DLGAP1: variants seen among roughly 807,000 people sequenced by gnomAD.
The protein encoded by DLGAP1 is disks large-associated protein 1.
A neutral mutation model predicts 90.8 loss-of-function variants in DLGAP1; 11 were observed. The ratio of observed to expected loss-of-function variants is 0.12; its 90% CI spans 0.08 to 0.20. DLGAP1 has a LOEUF of 0.20. Among genes scored for constraint, DLGAP1 ranks in the 10% least tolerant of loss-of-function variants. The pLI, the probability that DLGAP1 is intolerant of heterozygous loss-of-function variation, is 1.00. For missense variants in DLGAP1, 1,050 were observed against 1,333.8 expected, an observed-to-expected ratio of 0.79 and a Z score of 3.31; for synonymous variants, 558 against 540.7, an observed-to-expected ratio of 1.03 and a Z score of -0.44.
intron 2 of DLGAP1, among the ~76,000 whole-genome samples, chr18:4,097,759 G>A (rs539192788): frequency 2.4e-4 from 36 of 152,278 alleles, no homozygotes; most frequent in East Asian, 1.7e-3. Flanking sequence ...TAAATGTTTC[G>A]ACAAAAATAT....
intron 7 of DLGAP1, among the ~76,000 whole-genome samples, chr18:3,618,033 A>G: frequency 6.6e-6 from 1 of 152,146 alleles, no homozygotes; most frequent in South Asian, 2.1e-4. Context: ...GTGAAACTCC[A>G]TCTCAAAAGA....
intron 3 of DLGAP1, among the ~76,000 whole-genome samples, chr18:3,927,822 C>T (rs1311036637): frequency 6.6e-6 from 1 of 152,004 alleles, no homozygotes; most frequent in African/African-American, 2.4e-5. Context: ...GAATTTTTTC[C>T]CAATATAATC....
chr18:4,231,241 G>A (rs2078293005), intron 1 of DLGAP1, among the ~76,000 whole-genome samples: 1 of 152,004 alleles, frequency 6.6e-6, no homozygotes, highest in South Asian at 2.1e-4. Flanking sequence ...TTTAAAATAT[G>A]ACCTGGAAAG....
intron 2 of DLGAP1, among the ~76,000 whole-genome samples, chr18:4,124,720 T>A (rs2076206211): frequency 6.6e-6 from 1 of 152,240 alleles, no homozygotes. Context: ...TCAATACTTT[T>A]TATTTTCCTA....
intron 3 of DLGAP1, chr18:3,995,251 T>C (rs376260197): frequency 6.6e-6 from 1 of 152,292 alleles, no homozygotes; most frequent in East Asian, 1.9e-4. Flanking sequence ...AGAGCTAAGA[T>C]GCTCTCAGAA....
intron 1 of DLGAP1, among the ~76,000 whole-genome samples, chr18:4,400,050 G>A (rs2082520541): frequency 6.6e-6 from 1 of 152,024 alleles, no homozygotes; most frequent in Non-Finnish European, 1.5e-5. Flanking sequence ...CACCACTCTT[G>A]AAGGCAGCTT....
chr18:4,283,613 G>A (rs11664000), intron 1 of DLGAP1, among the ~76,000 whole-genome samples: 4,589 of 152,190 alleles, frequency 0.03, 154 homozygotes, highest in African/African-American at 0.084. Flanking sequence ...GGGAGAGTGC[G>A]AAAAGTTTCC....
At chr18:4,276,311 T>A (rs971463104) in intron 1 of DLGAP1, among the ~76,000 whole-genome samples, 1 of 152,040 alleles carries the variant, frequency 6.6e-6, no homozygotes, top group African/African-American at 2.4e-5. Flanking sequence ...AGGATCTTTT[T>A]AGAATTTCTG....
intron 4 of DLGAP1, among the ~76,000 whole-genome samples, chr18:3,817,192 G>A (rs1289809262): frequency 6.6e-6 from 1 of 152,152 alleles, no homozygotes; most frequent in African/African-American, 2.4e-5. Context: ...ATTGCTCTCT[G>A]GAGTATGTCA....
intron 1 of DLGAP1, among the ~76,000 whole-genome samples, chr18:4,228,963 T>C (rs2078246391): frequency 6.6e-6 from 1 of 151,822 alleles, no homozygotes; most frequent in Non-Finnish European, 1.5e-5. Flanking sequence ...CCACAAAAAT[T>C]ATTTGATAAA....
intron 1 of DLGAP1, among the ~76,000 whole-genome samples, chr18:4,322,943 G>GAAAAAAAAAAAAAAAAA (rs60113288): frequency 1.0e-5 from 1 of 97,612 alleles, no homozygotes; most frequent in Admixed American, 1.3e-4. Flanking sequence ...CCTGGGCACA[G>GAAAAAAAAAAAAAAAAA]AAAAAAAAAA....
chr18:4,339,859 CATAGGAT>C (rs1433045152), intron 1 of DLGAP1, among the ~76,000 whole-genome samples: 6 of 152,176 alleles, frequency 3.9e-5, no homozygotes, highest in Non-Finnish European at 8.8e-5. Flanking sequence ...TATGCTTTGA[CATAGGAT>C]ATAACAAATA....
intron 1 of DLGAP1, among the ~76,000 whole-genome samples, chr18:4,304,858 G>C (rs561895778): frequency 4.6e-5 from 7 of 151,820 alleles, no homozygotes; most frequent in Non-Finnish European, 8.8e-5. Context: ...TTGAACCCAG[G>C]AGGCGGAGGT....
At chr18:4,436,186 A>C (rs1029122964) in intron 1 of DLGAP1, among the ~76,000 whole-genome samples, 2 of 152,208 alleles carry the variant, frequency 1.3e-5, no homozygotes, top group Admixed American at 1.3e-4. Context: ...TGCTTTAGGC[A>C]GTGATCTTTT....
chr18:3,950,030 T>C (rs571699098), intron 3 of DLGAP1, among the ~76,000 whole-genome samples: 1 of 152,292 alleles, frequency 6.6e-6, no homozygotes, highest in Admixed American at 6.5e-5. Context: ...CAGTGAGAAG[T>C]GAGTTCTATA....
chr18:4,178,070 G>A (rs1402231068), intron 1 of DLGAP1, among the ~76,000 whole-genome samples: 1 of 151,784 alleles, frequency 6.6e-6, no homozygotes, highest in South Asian at 2.1e-4. Flanking sequence ...CACCATCCAC[G>A]TGACTTCCAC....
At chr18:4,033,117 C>G (rs1387767259) in intron 2 of DLGAP1, among the ~76,000 whole-genome samples, 1 of 152,058 alleles carries the variant, frequency 6.6e-6, no homozygotes, top group African/African-American at 2.4e-5. Flanking sequence ...CTCAACCTTT[C>G]CCTAGTTTCT....
chr18:4,080,501 T>C lies in DLGAP1; in HGVS notation c.-159+70679A>G, dbSNP rs1445732179. Among the ~76,000 whole-genome samples, 8 of 152,364 alleles carry C rather than the reference T, an allele frequency of 5.3e-5. No homozygotes were observed. The East Asian group carries it at 1.4e-3, about 26-fold the overall frequency. ...ATGATAATAGCTGCAAAGCTCTCTGTTGGGCAGAGATCTGCATCTGTAGAG... is the reference window on the plus strand; with the variant it reads ...ATGATAATAGCTGCAAAGCTCTCTGCTGGGCAGAGATCTGCATCTGTAGAG... On this transcript the variant is annotated intron_variant, in intron 2 of 12. Transcript: ENST00000315677.
At chr18:4,198,783 T>C (rs2077551308) in intron 1 of DLGAP1, among the ~76,000 whole-genome samples, 1 of 152,240 alleles carries the variant, frequency 6.6e-6, no homozygotes, top group Non-Finnish European at 1.5e-5. Flanking sequence ...TCAAATGATG[T>C]ATTACATTCT....
Sources: allele counts gnomAD v4.1 joint callset (sites outside exome capture counted in the v4.1 genomes callset), GRCh38; gene constraint gnomAD v4.1.1; transcripts MANE v1.5; gene names NCBI Gene and HGNC (gene_info 2026-07-23, HGNC 2026-07-21).